SNTB1: variants seen among roughly 807,000 people sequenced by gnomAD.
The protein encoded by SNTB1 is beta-1-syntrophin.
SNTB1 carries 36 observed loss-of-function variants against 48.9 expected under a neutral mutation model. The ratio of observed to expected loss-of-function variants is 0.74; its 90% CI spans 0.56 to 0.97. The LOEUF is 0.97. Ranked by LOEUF, SNTB1 falls within the 50% of genes least tolerant of loss-of-function variation. The pLI is 0.00. For missense variants in SNTB1, 786 were observed against 703.4 expected, an observed-to-expected ratio of 1.12 and a Z score of -1.33; for synonymous variants, 299 against 294.6, an observed-to-expected ratio of 1.01 and a Z score of -0.15.
At chr8:120,564,564 GTTTTTTT>G (rs71306893) in intron 4 of SNTB1, among the ~76,000 whole-genome samples, 3 of 84,214 alleles carry the variant, frequency 3.6e-5, no homozygotes, top group Non-Finnish European at 6.4e-5. Context: ...TATTATTCTG[GTTTTTTT>G]TTTTTTTTTT....
At chr8:120,539,049 T>A in intron 6 of SNTB1, 80 bp from the exon 7 acceptor site, 1 of 992,374 alleles carries the variant, frequency 1.0e-6, no homozygotes, top group Non-Finnish European at 1.5e-6. Flanking sequence ...ATCAAACGAA[T>A]CTATATGCAC....
At chr8:120,600,759 A>G (rs972278703) in intron 3 of SNTB1, among the ~76,000 whole-genome samples, 17 of 151,870 alleles carry the variant, frequency 1.1e-4, no homozygotes, top group Admixed American at 2.0e-4. Context: ...AGCAAGAGAA[A>G]GAGGGGAAAC....
At chr8:120,575,253 A>G in intron 3 of SNTB1, 28 bp from the exon 4 acceptor site, 1 of 1,613,998 alleles carries the variant, frequency 6.2e-7, no homozygotes, top group Non-Finnish European at 8.5e-7. Flanking sequence ...GAACTGTCAA[A>G]TGACAGCCTG....
chr8:120,588,408 A>C (rs1482086648), intron 3 of SNTB1, among the ~76,000 whole-genome samples: 1 of 152,106 alleles, frequency 6.6e-6, no homozygotes, highest in Non-Finnish European at 1.5e-5. Flanking sequence ...AAAAAAAAAA[A>C]CAAGAATTGA....
chr8:120,726,949 C>A (rs1369279531), intron 1 of SNTB1, among the ~76,000 whole-genome samples: 1 of 152,138 alleles, frequency 6.6e-6, no homozygotes, highest in African/African-American at 2.4e-5. Flanking sequence ...TAATGTTTGC[C>A]AGAAATCTCA....
chr8:120,567,525 A>G (rs1445488606), intron 4 of SNTB1, among the ~76,000 whole-genome samples: 1 of 151,490 alleles, frequency 6.6e-6, no homozygotes, highest in Non-Finnish European at 1.5e-5. Flanking sequence ...GGATCAAGCA[A>G]TTCTCCCACT....
At chr8:120,678,268 C>A (rs4369031) in intron 2 of SNTB1, among the ~76,000 whole-genome samples, 4 of 151,982 alleles carry the variant, frequency 2.6e-5, no homozygotes, top group African/African-American at 7.3e-5. Context: ...TCTCTGCTGC[C>A]TTTTTATGGA....
intron 4 of SNTB1, 41 bp downstream of exon 4, chr8:120,575,045 C>T (rs900021950): frequency 5.0e-6 from 8 of 1,613,154 alleles, no homozygotes; most frequent in Non-Finnish European, 5.9e-6. Context: ...AAATAGAATC[C>T]ACCTGCAAAC....
At chr8:120,684,624 C>A (rs1436822599) in intron 2 of SNTB1, among the ~76,000 whole-genome samples, 2 of 150,598 alleles carry the variant, frequency 1.3e-5, no homozygotes, top group Admixed American at 1.3e-4. Flanking sequence ...CAGGTCTTGA[C>A]CAAATCTATA....
chr8:120,640,910 C>A (rs957708815), intron 2 of SNTB1, among the ~76,000 whole-genome samples: 1 of 152,106 alleles, frequency 6.6e-6, no homozygotes, highest in Non-Finnish European at 1.5e-5. Flanking sequence ...AGGGAGAATT[C>A]CCTCTTTTTC....
At chr8:120,606,705 G>A (rs1181707311) in intron 3 of SNTB1, among the ~76,000 whole-genome samples, 1 of 152,156 alleles carries the variant, frequency 6.6e-6, no homozygotes, top group African/African-American at 2.4e-5. Context: ...GAATCAAGTG[G>A]TGGTGAGAAT....
At chr8:120,635,549 C>T (rs35039173) in intron 2 of SNTB1, 37,643 of 158,498 alleles carry the variant, frequency 0.24, 4,700 homozygotes, top group Middle Eastern at 0.28. Flanking sequence ...TCTACCTCCA[C>T]CATCTTTCCT....
intron 5 of SNTB1, 51 bp downstream of exon 5, chr8:120,548,711 G>T: frequency 6.5e-7 from 1 of 1,543,626 alleles, no homozygotes; most frequent in Non-Finnish European, 8.9e-7. Flanking sequence ...TGGAGTAGAG[G>T]GTTCATCTTC....
chr8:120,785,584 G>T (rs1207325654), intron 1 of SNTB1, among the ~76,000 whole-genome samples: 1 of 152,206 alleles, frequency 6.6e-6, no homozygotes, highest in South Asian at 2.1e-4. Context: ...GCTTGAGCCC[G>T]CACATGAGAA....
intron 1 of SNTB1, among the ~76,000 whole-genome samples, chr8:120,740,231 G>A (rs1819021309): frequency 6.6e-6 from 1 of 152,174 alleles, no homozygotes; most frequent in Non-Finnish European, 1.5e-5. Context: ...GAGCCATGAA[G>A]CTGTCACAGT....
At chr8:120,656,954 A>G (rs1205492105) in intron 2 of SNTB1, among the ~76,000 whole-genome samples, 1 of 152,236 alleles carries the variant, frequency 6.6e-6, no homozygotes, top group Non-Finnish European at 1.5e-5. Context: ...TGTCAAGGTG[A>G]TGCCTAGGTT....
At chr8:120,579,880 A>G (rs968612588) in intron 3 of SNTB1, among the ~76,000 whole-genome samples, 1 of 152,234 alleles carries the variant, frequency 6.6e-6, no homozygotes, top group African/African-American at 2.4e-5. Context: ...GCTGTCTTAC[A>G]GACAGTAAAC....
intron 3 of SNTB1, among the ~76,000 whole-genome samples, chr8:120,606,966 T>TATTAAATGGAGACATAAA (rs1816533068): frequency 6.6e-6 from 1 of 152,110 alleles, no homozygotes; most frequent in Non-Finnish European, 1.5e-5. Context: ...AGACATAAAA[T>TATTAAATGGAGACATAAA]ATTAGATGAG....
At position 120,791,447 on chromosome 8, in the gene SNTB1, C is replaced by T. The variant is rs1820033947; in HGVS notation, c.571+19826G>A. On this transcript the variant is annotated intron_variant, in intron 1 of 6. Transcript: ENST00000517992. ...TAAAACTTTACCAAGTAAATGAGAC[C>T]TAATTCAACTGAAAAGCTTCTGCAC... 3.9e-5 allele frequency among the ~76,000 whole-genome samples: 6 copies of T among 151,934 alleles called. No homozygotes were observed. In the South Asian group the frequency reaches 1.2e-3, roughly 32 times the overall value.
Sources: gnomAD v4.1 joint callset for allele counts (sites outside exome capture counted in the v4.1 genomes callset) on GRCh38, gnomAD v4.1.1 for gene constraint, MANE v1.5 for transcripts, NCBI Gene and HGNC (gene_info 2026-07-23, HGNC 2026-07-21) for gene names.